USP43: variants seen among roughly 807,000 people sequenced by gnomAD.
The protein encoded by USP43 is ubiquitin specific peptidase 43.
In USP43, 33 loss-of-function variants were observed where a neutral mutation model predicts 90.7. That is an observed-to-expected ratio of 0.36 (90% CI 0.28 to 0.49). The LOEUF is 0.49. Among genes scored for constraint, USP43 ranks in the 20% least tolerant of loss-of-function variants. The pLI, the probability that USP43 is intolerant of heterozygous loss-of-function variation, is 0.98. For synonymous variants in USP43, 598 were observed against 615.8 expected, an observed-to-expected ratio of 0.97 and a Z score of 0.43; for missense variants, 1,274 against 1,476.4, an observed-to-expected ratio of 0.86 and a Z score of 2.25.
At chr17:9,689,232 A>G (rs1423275011) in intron 8 of USP43, among the ~76,000 whole-genome samples, 1 of 152,188 alleles carries the variant, frequency 6.6e-6, no homozygotes, top group Non-Finnish European at 1.5e-5. Flanking sequence ...TCATTTGAAG[A>G]GAATATATTC....
rs1216589573 is a variant in USP43, at chr17:9,728,911, C to T, written c.3293C>T (p.Ser1098Phe). The T allele has an allele frequency of 1.2e-6, 2 of 1,612,270 alleles. No homozygotes were observed. The highest frequency in any genetic ancestry group is 2.2e-5 in the East Asian group (1 of 44,856). The change falls in exon 15 of 15, where the codon TCT (serine) becomes TTT (phenylalanine). Residue 1098 changes from serine to phenylalanine, a missense_variant. Physicochemically the swap from Ser to Phe is radical, Grantham distance 155. Transcript: ENST00000285199. This position sits in a 1 kb window ranked among gnomAD's most constrained non-coding sequence, Gnocchi z 6.2. The part of the protein sequence containing the change: ...SQRTVPGEQA[S>F]YGTFQRVKYH... ...AGGACTGTTCCAGGGGAGCAGGCTT[C>T]TTATGGCACCTTTCAGAGAGTCAAA...
rs755601992 is a variant in USP43 at position 9,728,678 on chromosome 17, G to GC, written c.3066dup (p.Val1023ArgfsTer53). Reference sequence around the variant, plus strand: ...AGAGGGCAGAGGTCTCTCCACAGGTGCCCCCCGTCTCCCTGGTGAGTGGCG... The same window carrying GC: ...AGAGGGCAGAGGTCTCTCCACAGGTGCCCCCCCGTCTCCCTGGTGAGTGGCG... On this transcript the variant is annotated frameshift_variant, in exon 15 of 15. Transcript: ENST00000285199. LOFTEE classifies it low-confidence loss of function (END_TRUNC). This position sits in a 1 kb window ranked among gnomAD's most constrained non-coding sequence, Gnocchi z 6.2. 4 of 1,612,626 alleles carry GC rather than the reference G, an allele frequency of 2.5e-6. No individual in the cohort carries two copies. The highest frequency in any genetic ancestry group is 1.3e-5 in the African/African-American group (1 of 74,914).
Position 9,702,731 on chromosome 17 carries a change from T to C in USP43, c.2011+1031T>C, listed in dbSNP as rs1035147491. On this transcript the variant is annotated intron_variant, in intron 12 of 14. Transcript: ENST00000285199. Reference sequence around the variant, plus strand: ...AGAAGCCTATTGGTAGCTGCGGCAATTGAGTGTCTCCACCGTGCAGATAGT... The same window carrying C: ...AGAAGCCTATTGGTAGCTGCGGCAACTGAGTGTCTCCACCGTGCAGATAGT... Among the ~76,000 whole-genome samples, 5 of 152,290 alleles carry C rather than the reference T, an allele frequency of 3.3e-5. 1 individual carries two copies. The highest frequency in any genetic ancestry group is 3.9e-4 in the East Asian group (2 of 5,180).
intron 14 of USP43, among the ~76,000 whole-genome samples, chr17:9,718,048 G>T (rs759966890): frequency 6.6e-6 from 1 of 151,916 alleles, no homozygotes. Context: ...TGCCCACCTC[G>T]GCCTCCCAAA....
In USP43 at chr17:9,714,796, G is replaced by A. The variant is rs528753899; in HGVS notation, c.2335+2664G>A. ...AAAGAACGGAGAAGGAGCAGCCAGT[G>A]AGGGGAAGAAAACCAGGTGAGTGTG... On this transcript the variant is annotated intron_variant, in intron 14 of 14. Transcript: ENST00000285199. Among the ~76,000 whole-genome samples the A allele has an allele frequency of 3.9e-5, 6 of 152,224 alleles. No individual in the cohort carries two copies. In the South Asian group the frequency reaches 1.2e-3, roughly 32 times the overall value.
rs138418325 is a variant in USP43 at position 9,653,798 on chromosome 17, T to C, written c.505-2605T>C. 2.9e-3 allele frequency among the ~76,000 whole-genome samples: 442 copies of C among 152,132 alleles called. 1 individual carries two copies. Among genetic ancestry groups the C allele is most frequent in the South Asian group, 0.01 (50 of 4,814 alleles). On this transcript the variant is annotated intron_variant, in intron 1 of 14. Coordinates refer to ENST00000285199, the MANE Select transcript of USP43 (RefSeq NM_153210.5). ...AGCATGACAATATTCAGCTGAGCTATAGGAAAATTGGTCTGGTCTACCATG... is the reference window on the plus strand; with the variant it reads ...AGCATGACAATATTCAGCTGAGCTACAGGAAAATTGGTCTGGTCTACCATG...
rs532430703 is a variant in USP43 at position 9,712,080 on chromosome 17, C to A, written c.2283C>A (p.Pro761=). Residue 761 remains proline, a synonymous_variant, in exon 14 of 15, where the codon CCC becomes CCA. Coordinates refer to ENST00000285199, the MANE Select transcript of USP43 (RefSeq NM_153210.5). ...GCTCTGCCCCCTGCCCCTCCCTGCCCCAGGTTCCTGACTCTCCCATCTTCA... is the reference window on the plus strand; with the variant it reads ...GCTCTGCCCCCTGCCCCTCCCTGCCACAGGTTCCTGACTCTCCCATCTTCA... ...SWSSAPCPSL[P]QVPDSPIFTN... is the part of the protein sequence containing the mutation. 8.1e-6 allele frequency: 13 copies of A among 1,610,814 alleles called. No individual in the cohort carries two copies. In the Admixed American group the frequency reaches 2.2e-4, roughly 27 times the overall value.
chr17:9,726,502 C>T (rs1917280021), intron 14 of USP43, among the ~76,000 whole-genome samples: 1 of 152,156 alleles, frequency 6.6e-6, no homozygotes, highest in African/African-American at 2.4e-5. Flanking sequence ...ATGATGGGGC[C>T]CTGGAGAGGT....
rs903011857 is a variant in USP43 at position 9,712,057 on chromosome 17, T to G, written c.2260T>G (p.Ser754Ala). 1 of 1,612,674 alleles carries G rather than the reference T, an allele frequency of 6.2e-7. No individual in the cohort carries two copies. The part of the protein sequence containing the change: ...STRGSLLSWS[S>A]APCPSLPQVP... ...AAGGGGAAGCCTGCTGTCCTGGAGC[T>G]CTGCCCCCTGCCCCTCCCTGCCCCA... is the stretch of plus-strand genomic sequence containing the variant. The change falls in exon 14 of 15, where the codon TCT (serine) becomes GCT (alanine). Residue 754 changes from serine (S) to alanine (A), a missense_variant. Around this residue, in one of 6 missense-constraint regions of USP43, gnomAD observed 285 missense variants for 349.6 expected, o/e 0.82. Coordinates refer to ENST00000285199, the MANE Select transcript of USP43 (RefSeq NM_153210.5).
At chr17:9,726,969 T>A (rs751177853) in intron 14 of USP43, among the ~76,000 whole-genome samples, 2 of 152,166 alleles carry the variant, frequency 1.3e-5, no homozygotes, top group Non-Finnish European at 2.9e-5. Context: ...TGAGAATTTC[T>A]TTCTTTTTTT....
chr17:9,670,245 G>T lies in USP43; in HGVS notation c.740+3494G>T, dbSNP rs151112744. On this transcript the variant is annotated intron_variant, in intron 3 of 14. Transcript: ENST00000285199. ...GTAGAGATGGGGTTTCATCATGCTG[G>T]CCAGGCTGGTCTTGAACTCCTGACC... 2.5e-3 allele frequency among the ~76,000 whole-genome samples: 386 copies of T among 151,990 alleles called. 2 individuals are homozygous for T. Among genetic ancestry groups the T allele is most frequent in the African/African-American group, 8.4e-3 (350 of 41,452 alleles).
chr17:9,699,584 A>C (rs1166426469), intron 9 of USP43, among the ~76,000 whole-genome samples: 1 of 152,124 alleles, frequency 6.6e-6, no homozygotes, highest in Non-Finnish European at 1.5e-5. Context: ...ATAAAACCTC[A>C]TGTGCTCCAC....
intron 6 of USP43, among the ~76,000 whole-genome samples, chr17:9,681,035 T>G (rs1278184941): frequency 7.4e-6 from 1 of 135,896 alleles, no homozygotes; most frequent in Non-Finnish European, 1.5e-5. Context: ...TGTTATCTAT[T>G]ACATATAATA....
Position 9,701,091 on chromosome 17 carries a change from G to T in USP43, c.1536-28G>T. The stretch of plus-strand genomic sequence containing the variant: ...ACCTGTCTGGGAGCAGGAAAGTCCT[G>T]AACGCCGTGGGTGTCCTCTCCGTGC... On this transcript the variant is annotated intron_variant, in intron 10 of 14. Transcript: ENST00000285199. This position sits in a 1 kb window ranked among gnomAD's most constrained non-coding sequence, Gnocchi z 7.2. 2 of 1,447,964 alleles carry T rather than the reference G, an allele frequency of 1.4e-6. No individual in the cohort carries two copies. The highest frequency in any genetic ancestry group is 1.5e-5 in the South Asian group (1 of 65,416). The allele number at this position is 1,447,964 out of a possible 1,614,324, so 89.7% of individuals were successfully genotyped here.
chr17:9,646,117 A>C lies in USP43; in HGVS notation c.485A>C (p.Gln162Pro). 6.8e-7 allele frequency: 1 copy of C among 1,481,426 alleles called. No homozygotes were observed. 91.8% of individuals were successfully genotyped at this position (1,481,426 alleles called of 1,614,324 possible). A position where few individuals can be genotyped will look rare whatever the true frequency, so the allele number is the denominator to read the frequency against. The change falls in exon 1 of 15, where the codon CAA becomes CCA. Residue 162 changes from glutamine to proline, a missense_variant. Gln to Pro is a moderately conservative substitution (Grantham distance 76). Transcript: ENST00000285199. ...RALWTREYTP[Q>P]LSAEFKNAVS... Reference sequence around the variant, plus strand: ...CTCTGGACTCGCGAATACACGCCCCAACTTTCCGCGGAGTTCAAGGTAGGC... The same window carrying C: ...CTCTGGACTCGCGAATACACGCCCCCACTTTCCGCGGAGTTCAAGGTAGGC...
In USP43 at chr17:9,686,942, CGTGCATGCGCAT is replaced by C. The variant is rs1244709043; in HGVS notation, c.1353+43_1353+54del. Reference sequence around the variant, plus strand: ...GTGTGCATGCGTGTGTGTGTGTGTGCGTGCATGCGCATGTGCATGCGTGTGTGTGGGTGTGTG... The same window carrying C: ...GTGTGCATGCGTGTGTGTGTGTGTGCGTGCATGCGTGTGTGTGGGTGTGTG... On this transcript the variant is annotated intron_variant, in intron 8 of 14. Coordinates refer to ENST00000285199, the MANE Select transcript of USP43 (RefSeq NM_153210.5). This position sits in a 1 kb window ranked among gnomAD's most constrained non-coding sequence, Gnocchi z 5.5. The C allele has an allele frequency of 1.3e-6, 2 of 1,517,086 alleles. No homozygotes were observed. The highest frequency in any genetic ancestry group is 2.3e-5 in the East Asian group (1 of 43,896). The allele number at this position is 1,517,086 out of a possible 1,614,324, so 94.0% of individuals were successfully genotyped here.
At chr17:9,684,347 T>C (rs746287454) in intron 7 of USP43, among the ~76,000 whole-genome samples, 4 of 152,002 alleles carry the variant, frequency 2.6e-5, no homozygotes, top group Admixed American at 2.0e-4. Flanking sequence ...ATGTGAGAGG[T>C]GAAGGATTTA....
Position 9,701,700 on chromosome 17 carries a change from G to A in USP43, c.2011G>A (p.Ala671Thr). Residue 671 changes from alanine (A) to threonine (T), a missense_variant and splice_region_variant, in exon 12 of 15, where the codon GCC (alanine) becomes ACC (threonine). Ala to Thr is a moderately conservative substitution (Grantham distance 58). This residue lies in a region of USP43 where 285 missense variants were observed against 349.6 expected (regional missense o/e 0.82). Transcript: ENST00000285199. This position sits in a 1 kb window ranked among gnomAD's most constrained non-coding sequence, Gnocchi z 7.2. ...CAACCTGCAAGGTGGGCATTACACA[G>A]GTGAGCCTTGCCTTGCCTTTCTGCA... ...HGNLQGGHYT[A>T]YCRNSLDGQW... 1 of 1,536,494 alleles carries A rather than the reference G, an allele frequency of 6.5e-7. No homozygotes were observed. Among genetic ancestry groups the A allele is most frequent in the Non-Finnish European group, 8.8e-7 (1 of 1,138,126 alleles).
intron 9 of USP43, among the ~76,000 whole-genome samples, chr17:9,696,293 CT>C (rs1915260718): frequency 2.0e-5 from 3 of 152,110 alleles, no homozygotes; most frequent in Non-Finnish European, 4.4e-5. Flanking sequence ...ACTGCCACCC[CT>C]GGCTAATTTC....
Sources: allele counts gnomAD v4.1 joint callset (sites outside exome capture counted in the v4.1 genomes callset), GRCh38; gene constraint gnomAD v4.1.1; regional missense constraint gnomAD v4.1.1; non-coding constraint Gnocchi (gnomAD v3.1); transcripts MANE v1.5; gene names NCBI Gene and HGNC (gene_info 2026-07-23, HGNC 2026-07-21).